Variants in SPATA16 observed in about 807,000 individuals in gnomAD.
SPATA16 encodes the protein spermatogenesis-associated protein 16.
A neutral mutation model predicts 63.3 loss-of-function variants in SPATA16; 36 were observed. The ratio of observed to expected loss-of-function variants is 0.57; its 90% confidence interval spans 0.44 to 0.75. SPATA16 has a LOEUF of 0.75. Among genes scored for constraint, SPATA16 ranks in the 30% least tolerant of loss-of-function variants. The pLI is 0.00. For synonymous variants in SPATA16, 203 were observed against 216.7 expected, an observed-to-expected ratio of 0.94 and a Z score of 0.56; for missense variants, 646 against 679.3, an observed-to-expected ratio of 0.95 and a Z score of 0.54.
At chr3:172,913,435 T>C (rs973393623) in intron 10 of SPATA16, among the ~76,000 whole-genome samples, 6 of 150,928 alleles carry the variant, frequency 4.0e-5, no homozygotes, top group African/African-American at 1.5e-4. Context: ...TGAAGAAAAA[T>C]CACGAAAGCA....
chr3:173,115,102 G>A (rs184468840), intron 2 of SPATA16, among the ~76,000 whole-genome samples: 43 of 152,224 alleles, frequency 2.8e-4, no homozygotes, highest in African/African-American at 8.4e-4. Context: ...AAGAGGTAGC[G>A]GGGAAGGAGA....
chr3:173,101,391 C>T (rs1487422458), intron 2 of SPATA16, among the ~76,000 whole-genome samples: 2 of 152,156 alleles, frequency 1.3e-5, no homozygotes, highest in Non-Finnish European at 2.9e-5. Flanking sequence ...ATATTCTCTC[C>T]ACCGTTTTCA....
chr3:173,116,827 G>A lies in SPATA16; in HGVS notation c.612+293C>T, dbSNP rs372552839. Among the ~76,000 whole-genome samples the A allele has an allele frequency of 2.2e-4, 33 of 152,314 alleles. 2 individuals carry two copies. The highest frequency in any genetic ancestry group is 7.9e-4 in the African/African-American group (33 of 41,558). ...TTTTATAGGTGGGCAGCTAAGTGAT[G>A]AAAGCAACTGCATTTTAAAAATATA... is the stretch of plus-strand genomic sequence containing the variant. On this transcript the variant is annotated intron_variant, in intron 2 of 10. Coordinates refer to ENST00000351008, the MANE Select transcript of SPATA16 (RefSeq NM_031955.6).
chr3:172,932,250 T>A (rs1732888177), intron 6 of SPATA16, among the ~76,000 whole-genome samples: 1 of 152,194 alleles, frequency 6.6e-6, no homozygotes, highest in African/African-American at 2.4e-5. Context: ...AGAAAAATCA[T>A]AGAGATTTAA....
At chr3:172,951,881 T>G (rs1733442071) in intron 6 of SPATA16, among the ~76,000 whole-genome samples, 1 of 152,236 alleles carries the variant, frequency 6.6e-6, no homozygotes, top group African/African-American at 2.4e-5. Flanking sequence ...AGCAAAACTT[T>G]GATAGGTAGA....
At chr3:173,015,045 A>ATTCTTTT (rs1030888196) in intron 4 of SPATA16, among the ~76,000 whole-genome samples, 2 of 149,790 alleles carry the variant, frequency 1.3e-5, no homozygotes, top group Non-Finnish European at 3.0e-5. Flanking sequence ...TACACAGAAA[A>ATTCTTTT]TTCTTTTTTC....
intron 3 of SPATA16, among the ~76,000 whole-genome samples, chr3:173,033,427 A>T (rs1022627649): frequency 6.6e-6 from 1 of 152,106 alleles, no homozygotes; most frequent in African/African-American, 2.4e-5. Context: ...TGACATTTTC[A>T]TTTTTCGTTC....
chr3:173,034,683 A>G (rs779324296), intron 3 of SPATA16, among the ~76,000 whole-genome samples: 1 of 152,142 alleles, frequency 6.6e-6, no homozygotes. Context: ...ATTTATGTAG[A>G]TAATGTCCAG....
chr3:173,081,569 G>C (rs1266578522), intron 2 of SPATA16, among the ~76,000 whole-genome samples: 2 of 152,168 alleles, frequency 1.3e-5, no homozygotes, highest in Admixed American at 6.5e-5. Flanking sequence ...TTAACAAGCA[G>C]GGGGCAATTT....
Position 173,014,738 on chromosome 3 carries a change from C to G in SPATA16, c.848+4748G>C, listed in dbSNP as rs142636571. Among the ~76,000 whole-genome samples, 25 of 152,334 alleles carry G rather than the reference C, an allele frequency of 1.6e-4. No individual in the cohort carries two copies. The East Asian group carries it at 4.8e-3, about 29-fold the overall frequency. On this transcript the variant is annotated intron_variant, in intron 4 of 10. Transcript: ENST00000351008. ...GTTGGACTTGAGTGATGGCCACTCT[C>G]TTTGGAAGGGCCAGTGGTAGGGTGA...
intron 2 of SPATA16, among the ~76,000 whole-genome samples, chr3:173,077,544 C>T (rs772197395): frequency 2.6e-5 from 4 of 152,176 alleles, no homozygotes; most frequent in Non-Finnish European, 4.4e-5. Flanking sequence ...AGCAGGCATG[C>T]TGCTTCCCAG....
chr3:172,980,479 TGGAGCTATA>T (rs1734275053), intron 4 of SPATA16, among the ~76,000 whole-genome samples: 1 of 152,222 alleles, frequency 6.6e-6, no homozygotes, highest in Non-Finnish European at 1.5e-5. Flanking sequence ...GTACCTGCAA[TGGAGCTATA>T]AGATCATGTT....
intron 1 of SPATA16, among the ~76,000 whole-genome samples, chr3:173,119,674 C>G (rs574715663): frequency 1.8e-4 from 28 of 152,262 alleles, no homozygotes; most frequent in East Asian, 5.8e-4. Context: ...TTTTAACCAG[C>G]CTGTGTTGTG....
At chr3:173,082,968 C>T (rs1382629487) in intron 2 of SPATA16, among the ~76,000 whole-genome samples, 1 of 152,056 alleles carries the variant, frequency 6.6e-6, no homozygotes, top group East Asian at 1.9e-4. Context: ...CAGTGCCTGG[C>T]ATCAATTAGG....
At chr3:172,963,898 G>A (rs1733846029) in intron 5 of SPATA16, among the ~76,000 whole-genome samples, 1 of 152,106 alleles carries the variant, frequency 6.6e-6, no homozygotes, top group African/African-American at 2.4e-5. Context: ...CTTCTACAGT[G>A]AGCAACATTT....
intron 4 of SPATA16, among the ~76,000 whole-genome samples, chr3:172,994,018 T>TAAAGACA (rs1734641812): frequency 6.6e-6 from 1 of 152,178 alleles, no homozygotes; most frequent in East Asian, 1.9e-4. Context: ...GCCATAAACT[T>TAAAGACA]TTCATTACAG....
At chr3:173,078,101 C>T (rs1304733050) in intron 2 of SPATA16, among the ~76,000 whole-genome samples, 1 of 151,938 alleles carries the variant, frequency 6.6e-6, no homozygotes, top group Non-Finnish European at 1.5e-5. Flanking sequence ...ACTTGTATTA[C>T]AATAGGAGAT....
chr3:173,104,022 C>G (rs1159328058), intron 2 of SPATA16, among the ~76,000 whole-genome samples: 1 of 152,190 alleles, frequency 6.6e-6, no homozygotes, highest in Non-Finnish European at 1.5e-5. Flanking sequence ...GCTAGATAGT[C>G]TAGGTCATCA....
intron 3 of SPATA16, among the ~76,000 whole-genome samples, chr3:173,036,004 T>C (rs778742457): frequency 2.0e-5 from 3 of 151,924 alleles, no homozygotes; most frequent in Non-Finnish European, 2.9e-5. Context: ...TACATGTCTC[T>C]TTAACATTTG....
Sources: allele counts gnomAD v4.1 joint callset (sites outside exome capture counted in the v4.1 genomes callset), GRCh38; gene constraint gnomAD v4.1.1; transcripts MANE v1.5; gene names NCBI Gene and HGNC (gene_info 2026-07-23, HGNC 2026-07-21).